The following RGMB variants were observed in gnomAD, a reference collection of about 807,000 sequenced individuals.
The protein encoded by RGMB is repulsive guidance molecule B.
A neutral mutation model predicts 26.9 loss-of-function variants in RGMB; 16 were observed. The observed-to-expected ratio is 0.60, with a 90% CI of 0.40 to 0.90. RGMB has a LOEUF of 0.90. RGMB is among the 40% of genes least tolerant of loss of function. The pLI is 0.00. For missense variants in RGMB, 512 were observed against 573.3 expected, an observed-to-expected ratio of 0.89 and a Z score of 1.09; for synonymous variants, 225 against 229.3, an observed-to-expected ratio of 0.98 and a Z score of 0.17.
In RGMB at chr5:98,774,149, C is replaced by A. The variant is rs756059497; in HGVS notation, c.79C>A (p.Pro27Thr). The A allele has an allele frequency of 6.7e-7, 1 of 1,495,212 alleles. No individual in the cohort carries two copies. The highest frequency in any genetic ancestry group is 1.2e-5 in the South Asian group (1 of 80,070). 92.6% of individuals were successfully genotyped at this position (1,495,212 alleles called of 1,614,324 possible). The change falls in exon 1 of 3, where the codon CCC (proline) becomes ACC (threonine). Residue 27 changes from proline (P) to threonine (T), a missense_variant. Transcript: ENST00000513185. Reference sequence around the variant, plus strand: ...GCAGCGCCGCAGCCCCGGGCTCTGCCCCCCGCCGCTGGAGCTGCTGCTGCT... The same window carrying A: ...GCAGCGCCGCAGCCCCGGGCTCTGCACCCCGCCGCTGGAGCTGCTGCTGCT... ...VEQRRSPGLC[P>T]PPLELLLLLL...
intron 2 of RGMB, among the ~76,000 whole-genome samples, chr5:98,784,907 A>G (rs1055237573): frequency 6.6e-6 from 1 of 152,108 alleles, no homozygotes; most frequent in African/African-American, 2.4e-5. Context: ...GGAAAAATAG[A>G]CCATTTTCCC....
chr5:98,792,164 C>G (rs1453257225), intron 2 of RGMB, among the ~76,000 whole-genome samples: 1 of 152,158 alleles, frequency 6.6e-6, no homozygotes, highest in Non-Finnish European at 1.5e-5. Flanking sequence ...AGAAATCTTT[C>G]CTGGGGTACA....
At chr5:98,770,752 C>A (rs558757904), upstream of RGMB, 53 of 850,706 alleles carry the variant, frequency 6.2e-5, 1 homozygote, top group South Asian at 1.1e-3. Flanking sequence ...TCTCTCCTTT[C>A]CTTTCCTTAC....
intron 2 of RGMB, among the ~76,000 whole-genome samples, chr5:98,789,806 T>C (rs1465534731): frequency 6.6e-6 from 1 of 152,216 alleles, no homozygotes; most frequent in African/African-American, 2.4e-5. Flanking sequence ...ATGTGCCAAA[T>C]TGAGTTATGA....
At chr5:98,780,297 AG>A (rs1382029736) in intron 2 of RGMB, 3 of 513,940 alleles carry the variant, frequency 5.8e-6, no homozygotes, top group Non-Finnish European at 1.0e-5. Context: ...TTAAATAGAC[AG>A]TGATATAAAG....
In RGMB at chr5:98,794,021, C is replaced by T. The variant is rs1747034113; in HGVS notation, c.*268C>T. The T allele has an allele frequency of 6.5e-6, 2 of 306,920 alleles. No homozygotes were observed. Among genetic ancestry groups the T allele is most frequent in the Admixed American group, 4.6e-5 (1 of 21,748 alleles). 19.0% of individuals were successfully genotyped at this position (306,920 alleles called of 1,614,324 possible). A position where few individuals can be genotyped will look rare whatever the true frequency, so the allele number is the denominator to read the frequency against. On this transcript the variant is annotated 3_prime_UTR_variant, in exon 3 of 3. Coordinates refer to ENST00000513185, the MANE Select transcript of RGMB (RefSeq NM_001366508.1). ...CTGCCCAGGGACCTGTTAGAAAGCACTTTATTTTTTATATATTAAATATTT... is the reference window on the plus strand; with the variant it reads ...CTGCCCAGGGACCTGTTAGAAAGCATTTTATTTTTTATATATTAAATATTT...
In RGMB at chr5:98,795,493, A is replaced by C. The variant is rs753328075; in HGVS notation, c.*1740A>C. 3.2e-4 allele frequency: 49 copies of C among 152,250 alleles called. No homozygotes were observed. Among genetic ancestry groups the C allele is most frequent in the Non-Finnish European group, 3.1e-4 (21 of 68,048 alleles). 9.4% of individuals were successfully genotyped at this position (152,250 alleles called of 1,614,324 possible). On this transcript the variant is annotated 3_prime_UTR_variant, in exon 3 of 3. Transcript: ENST00000513185. ...AGTCACAGAGTGGAGTTGTGAATTC[A>C]TGTAGAGGTGGCAAACCTCTACCTT...
intron 2 of RGMB, among the ~76,000 whole-genome samples, chr5:98,783,628 A>G (rs1746675415): frequency 6.6e-6 from 1 of 152,130 alleles, no homozygotes; most frequent in African/African-American, 2.4e-5. Flanking sequence ...GGATCTTTAT[A>G]TCTCTGTTTA....
chr5:98,778,032 CAGA>C (rs1746470476), intron 1 of RGMB, among the ~76,000 whole-genome samples: 1 of 152,074 alleles, frequency 6.6e-6, no homozygotes, highest in Admixed American at 6.5e-5. Context: ...TTAGCCAAAG[CAGA>C]AGAACCCAAG....
chr5:98,770,790 A>T (rs1448663818), upstream of RGMB: 2 of 592,004 alleles, frequency 3.4e-6, no homozygotes, highest in East Asian at 6.9e-5. Context: ...ATAAACTTTC[A>T]CTCTTGCTCT....
chr5:98,785,152 A>G (rs1255295160), intron 2 of RGMB, among the ~76,000 whole-genome samples: 1 of 152,172 alleles, frequency 6.6e-6, no homozygotes, highest in Admixed American at 6.5e-5. Context: ...TCCCTGCTTA[A>G]TGTAATTATT....
upstream of RGMB, chr5:98,773,588 T>C (rs1345659348): frequency 3.0e-5 from 7 of 231,664 alleles, no homozygotes; most frequent in East Asian, 4.3e-4. Flanking sequence ...GATTATGGCG[T>C]CGTGGATTGG....
In RGMB at chr5:98,793,104, C is replaced by G; in HGVS notation, c.665C>G (p.Ala222Gly). Residue 222 changes from alanine to glycine, a missense_variant, in exon 3 of 3, where the codon GCC becomes GGC. By Grantham distance (60) the Ala-to-Gly change is moderately conservative. Transcript: ENST00000513185. Reference sequence around the variant, plus strand: ...CCACAGATCACTATTATCTTCAAAGCCCACCATGAGTGTACAGATCAGAAA... The same window carrying G: ...CCACAGATCACTATTATCTTCAAAGGCCACCATGAGTGTACAGATCAGAAA... ...ATNKITIIFK[A>G]HHECTDQKVY... 6.2e-7 allele frequency: 1 copy of G among 1,606,000 alleles called. No homozygotes were observed. The highest frequency in any genetic ancestry group is 8.5e-7 in the Non-Finnish European group (1 of 1,174,236).
At chr5:98,780,149 A>G in intron 2 of RGMB, 61 bp downstream of exon 2, 1 of 1,501,424 alleles carries the variant, frequency 6.7e-7, no homozygotes, top group Non-Finnish European at 9.0e-7. Flanking sequence ...TTGATTCTTC[A>G]GATAACTTTT....
intron 1 of RGMB, 123 bp from the exon 2 acceptor site, chr5:98,779,457 T>G: frequency 1.1e-6 from 1 of 950,310 alleles, no homozygotes; most frequent in Non-Finnish European, 1.5e-6. Context: ...GAAGGCTTCT[T>G]AAAATAGGAG....
upstream of RGMB, chr5:98,773,222 A>T (rs1454169069): frequency 6.6e-6 from 1 of 151,120 alleles, no homozygotes; most frequent in Non-Finnish European, 1.5e-5. Context: ...GGGCCAGGGC[A>T]GGGAGGGGTA....
At chr5:98,777,407 G>C (rs1220797527) in intron 1 of RGMB, among the ~76,000 whole-genome samples, 2 of 151,992 alleles carry the variant, frequency 1.3e-5, no homozygotes, top group Non-Finnish European at 2.9e-5. Context: ...CTGTGTATCT[G>C]ATTTTAAAAG....
chr5:98,779,612 C>G lies in RGMB; in HGVS notation c.169C>G (p.Gln57Glu), dbSNP rs1181697595. 1 of 1,520,812 alleles carries G rather than the reference C, an allele frequency of 6.6e-7. No homozygotes were observed. 94.2% of individuals were successfully genotyped at this position (1,520,812 alleles called of 1,614,324 possible). A position where few individuals can be genotyped will look rare whatever the true frequency, so the allele number is the denominator to read the frequency against. Residue 57 changes from glutamine (Q) to glutamate (E), a missense_variant, in exon 2 of 3, where the codon CAG becomes GAG. Coordinates refer to ENST00000513185, the MANE Select transcript of RGMB (RefSeq NM_001366508.1). ...DCQQPAQCRIQKCTTDFVSLT... is the reference protein window; with the variant it reads ...DCQQPAQCRIEKCTTDFVSLT... ...CCAACAGCCAGCCCAATGTCGAATC[C>G]AGAAATGCACCACGGACTTCGTGTC... is the stretch of plus-strand genomic sequence containing the variant.
intron 2 of RGMB, chr5:98,780,475 AAAG>A (rs1490235479): frequency 6.1e-6 from 1 of 163,556 alleles, no homozygotes; most frequent in Non-Finnish European, 1.3e-5. Flanking sequence ...TGTTCTGAAT[AAAG>A]AAAGCTGTGA....
Sources: allele counts gnomAD v4.1 joint callset (sites outside exome capture counted in the v4.1 genomes callset), GRCh38; gene constraint gnomAD v4.1.1; transcripts MANE v1.5; gene names NCBI Gene and HGNC (gene_info 2026-07-23, HGNC 2026-07-21).